Variants in FCHSD2 observed in about 807,000 individuals in gnomAD.
The protein encoded by FCHSD2 is FCH and double SH3 domains 2.
FCHSD2 carries 38 observed loss-of-function variants against 108.1 expected under a neutral mutation model. The ratio of observed to expected loss-of-function variants is 0.35; its 90% CI spans 0.27 to 0.46. The LOEUF (loss-of-function observed/expected upper bound fraction) is 0.46, where lower values mean the gene tolerates loss of function less well. Among genes scored for constraint, FCHSD2 ranks in the 20% least tolerant of loss-of-function variants. The pLI, the probability that FCHSD2 is intolerant of heterozygous loss-of-function variation, is 1.00. For missense variants in FCHSD2, 751 were observed against 897.8 expected, an observed-to-expected ratio of 0.84 and a Z score of 2.09; for synonymous variants, 279 against 314.7, an observed-to-expected ratio of 0.89 and a Z score of 1.20.
At chr11:72,967,027 T>C (rs2135379955) in intron 8 of FCHSD2, among the ~76,000 whole-genome samples, 2 of 151,758 alleles carry the variant, frequency 1.3e-5, no homozygotes, top group Middle Eastern at 3.4e-3. Flanking sequence ...TGAAACCCCA[T>C]CTCTACTAAA....
chr11:73,122,335 C>T (rs1232414577), intron 2 of FCHSD2, among the ~76,000 whole-genome samples: 1 of 152,166 alleles, frequency 6.6e-6, no homozygotes, highest in Non-Finnish European at 1.5e-5. Context: ...CCAGAAGAAA[C>T]ATCAAGACAT....
At chr11:72,873,064 T>C (rs1207200515) in intron 12 of FCHSD2, among the ~76,000 whole-genome samples, 1 of 151,704 alleles carries the variant, frequency 6.6e-6, no homozygotes, top group Non-Finnish European at 1.5e-5. Flanking sequence ...GCACGGTGGC[T>C]CATGCCTATA....
chr11:72,994,073 G>A (rs1052611079), intron 5 of FCHSD2, among the ~76,000 whole-genome samples: 3 of 152,242 alleles, frequency 2.0e-5, no homozygotes, highest in Admixed American at 2.0e-4. Flanking sequence ...CTCTGCAAAT[G>A]TGTCTCACTC....
intron 4 of FCHSD2, among the ~76,000 whole-genome samples, chr11:73,004,149 T>C (rs936159461): frequency 2.1e-4 from 31 of 144,380 alleles, no homozygotes; most frequent in African/African-American, 7.5e-4. Context: ...ATATCAAGCA[T>C]ATACGGTACT....
At chr11:72,898,407 A>C (rs1374546491) in intron 10 of FCHSD2, among the ~76,000 whole-genome samples, 1 of 152,252 alleles carries the variant, frequency 6.6e-6, no homozygotes, top group Non-Finnish European at 1.5e-5. Context: ...AAGTATATGT[A>C]AGTGTCTGCT....
chr11:72,954,742 G>A (rs756316392), intron 8 of FCHSD2, among the ~76,000 whole-genome samples: 17 of 151,994 alleles, frequency 1.1e-4, no homozygotes, highest in Admixed American at 1.0e-3. Context: ...AATATATTGA[G>A]TATGATGAAA....
At chr11:73,102,206 T>C (rs1364177476) in intron 2 of FCHSD2, among the ~76,000 whole-genome samples, 2 of 152,144 alleles carry the variant, frequency 1.3e-5, no homozygotes, top group African/African-American at 4.8e-5. Context: ...TGACTAAAGT[T>C]AAGAAAATTA....
chr11:73,016,019 T>C (rs1591484139), intron 3 of FCHSD2, 134 bp from the exon 4 acceptor site: 1 of 600,014 alleles, frequency 1.7e-6, no homozygotes, highest in Middle Eastern at 4.5e-4. Context: ...AAAACAATGA[T>C]AGGCTGCACG....
chr11:72,961,937 G>A (rs1856825526), intron 8 of FCHSD2, among the ~76,000 whole-genome samples: 1 of 152,110 alleles, frequency 6.6e-6, no homozygotes, highest in Admixed American at 6.5e-5. Context: ...TTGGAGAAAA[G>A]AAGTTGTATT....
At chr11:72,918,285 T>C (rs1375442474) in intron 9 of FCHSD2, among the ~76,000 whole-genome samples, 1 of 152,220 alleles carries the variant, frequency 6.6e-6, no homozygotes, top group African/African-American at 2.4e-5. Context: ...GTTTTTTTAA[T>C]GGGCTCTCTG....
In FCHSD2 at chr11:73,035,691, TCA is replaced by T. The variant is rs200571034; in HGVS notation, c.166-19808_166-19807del. ...TAAGTACTGAACAGTACTGAAATGTTCAGTTTTTATTTATTTATTTATTTATT... is the reference window on the plus strand; with the variant it reads ...TAAGTACTGAACAGTACTGAAATGTTGTTTTTATTTATTTATTTATTTATT... On this transcript the variant is annotated intron_variant, in intron 3 of 19. Transcript: ENST00000409418. Among the ~76,000 whole-genome samples, 1,371 of 142,244 alleles carry T rather than the reference TCA, an allele frequency of 9.6e-3. 21 individuals are homozygous for T. The highest frequency in any genetic ancestry group is 0.032 in the African/African-American group (1,250 of 38,470). 93.3% of individuals were successfully genotyped at this position (142,244 alleles called of 152,430 possible).
At position 73,015,851 on chromosome 11, in the gene FCHSD2, C is replaced by T; in HGVS notation, c.200G>A (p.Arg67Lys). ...ATCAGCTTTTACTCCAGGCCAATCT[C>T]TCTTCAGGTATTGACTAGCCAACTT... is the stretch of plus-strand genomic sequence containing the variant. ...MQKLASQYLK[R>K]DWPGVKADDR... Residue 67 changes from arginine (R) to lysine (K), a missense_variant, in exon 4 of 20, where the codon AGA becomes AAA. By Grantham distance (26) the Arg-to-Lys change is conservative. Transcript: ENST00000409418. 1 of 1,606,474 alleles carries T rather than the reference C, an allele frequency of 6.2e-7. No homozygotes were observed. Among genetic ancestry groups the T allele is most frequent in the Non-Finnish European group, 8.5e-7 (1 of 1,175,522 alleles).
chr11:72,946,602 C>G (rs1288721063), intron 8 of FCHSD2, among the ~76,000 whole-genome samples: 1 of 152,070 alleles, frequency 6.6e-6, no homozygotes, highest in Non-Finnish European at 1.5e-5. Flanking sequence ...AATGTCAATA[C>G]CTGCCAATAT....
intron 3 of FCHSD2, among the ~76,000 whole-genome samples, chr11:73,034,717 C>T (rs1209827036): frequency 6.6e-6 from 1 of 152,154 alleles, no homozygotes; most frequent in Non-Finnish European, 1.5e-5. Flanking sequence ...AACTTATTTG[C>T]ACAAAATGAC....
At chr11:72,951,453 A>G (rs557027961) in intron 8 of FCHSD2, among the ~76,000 whole-genome samples, 1 of 152,304 alleles carries the variant, frequency 6.6e-6, no homozygotes, top group East Asian at 1.9e-4. Context: ...CTTGGCACTG[A>G]CTTATACGTA....
intron 8 of FCHSD2, among the ~76,000 whole-genome samples, chr11:72,925,148 C>T (rs1322267517): frequency 1.3e-5 from 2 of 152,084 alleles, no homozygotes; most frequent in African/African-American, 2.4e-5. Context: ...CCCACTGTGC[C>T]TAGGCTCTGT....
chr11:73,092,431 T>A (rs114668595), intron 2 of FCHSD2, among the ~76,000 whole-genome samples: 1 of 151,950 alleles, frequency 6.6e-6, no homozygotes, highest in Admixed American at 6.6e-5. Context: ...CAAGCCACCA[T>A]ACCTGGCCCG....
chr11:72,934,062 T>A (rs1192085893), intron 8 of FCHSD2, among the ~76,000 whole-genome samples: 1 of 128,016 alleles, frequency 7.8e-6, no homozygotes, highest in African/African-American at 3.0e-5. Context: ...TGAGCCATGA[T>A]CGCGCCACTA....
chr11:73,121,294 A>C (rs1860729684), intron 2 of FCHSD2, among the ~76,000 whole-genome samples: 2 of 152,102 alleles, frequency 1.3e-5, no homozygotes, highest in African/African-American at 2.4e-5. Context: ...TTTTATCCCC[A>C]TCTCATATTT....
Sources: allele counts gnomAD v4.1 joint callset (sites outside exome capture counted in the v4.1 genomes callset), GRCh38; gene constraint gnomAD v4.1.1; transcripts MANE v1.5; gene names NCBI Gene and HGNC (gene_info 2026-07-23, HGNC 2026-07-21).